Variants in VAX2 observed in about 807,000 individuals in gnomAD.
The protein encoded by VAX2 is ventral anterior homeobox 2.
A neutral mutation model predicts 12.5 loss-of-function variants in VAX2; 8 were observed. That is an observed-to-expected ratio of 0.64 (90% confidence interval 0.37 to 1.15). The LOEUF is 1.15. VAX2 is among the 50% of genes most tolerant of loss of function. VAX2 has a pLI of 0.01. For missense variants in VAX2, 476 were observed against 412.9 expected, an observed-to-expected ratio of 1.15 and a Z score of -1.32; for synonymous variants, 183 against 187.6, an observed-to-expected ratio of 0.98 and a Z score of 0.20.
Position 70,933,080 on chromosome 2 carries a change from T to G in VAX2, c.749T>G (p.Phe250Cys). ...PLPPPLPAVC[F>C]SSAPLLDLPA... ...CCGCCCCCTCTGCCAGCTGTCTGCTTTTCCTCGGCCCCGCTCCTGGATCTG... is the reference window on the plus strand; with the variant it reads ...CCGCCCCCTCTGCCAGCTGTCTGCTGTTCCTCGGCCCCGCTCCTGGATCTG... The change falls in exon 3 of 3, where the codon TTT (phenylalanine) becomes TGT (cysteine). Residue 250 changes from phenylalanine (F) to cysteine (C), a missense_variant. Physicochemically the swap from Phe to Cys is radical, Grantham distance 205 (BLOSUM62 -2). Coordinates refer to ENST00000234392, the MANE Select transcript of VAX2 (RefSeq NM_012476.3). 1 of 1,609,846 alleles carries G rather than the reference T, an allele frequency of 6.2e-7. No individual in the cohort carries two copies. The highest frequency in any genetic ancestry group is 8.5e-7 in the Non-Finnish European group (1 of 1,178,358).
chr2:70,923,850 C>T (rs35094940), intron 2 of VAX2, among the ~76,000 whole-genome samples: 6,904 of 152,224 alleles, frequency 0.045, 194 homozygotes, highest in Admixed American at 0.08. Flanking sequence ...AAATCCAGGC[C>T]GGCCTGGCAC....
At chr2:70,918,863 CAAAAAAAAA>C (rs531465293) in intron 1 of VAX2, among the ~76,000 whole-genome samples, 2 of 99,466 alleles carry the variant, frequency 2.0e-5, no homozygotes, top group African/African-American at 8.1e-5. Flanking sequence ...CCAGCCGTCT[CAAAAAAAAA>C]AAAAAAAAAA....
intron 2 of VAX2, chr2:70,924,384 C>G (rs984195777): frequency 6.8e-6 from 1 of 147,498 alleles, no homozygotes; most frequent in African/African-American, 2.5e-5. Context: ...ACTGTAGAGA[C>G]GGGGTCTCGC....
rs1678892418 is a variant in VAX2, at chr2:70,900,582, G to T, written c.-40G>T. The T allele has an allele frequency of 2.4e-6, 3 of 1,238,208 alleles. No individual in the cohort carries two copies. The South Asian group carries it at 1.1e-4, about 46-fold the overall frequency. 76.7% of individuals were successfully genotyped at this position (1,238,208 alleles called of 1,614,324 possible). A position where few individuals can be genotyped will look rare whatever the true frequency, so the allele number is the denominator to read the frequency against. On this transcript the variant is annotated 5_prime_UTR_variant, in exon 1 of 3. In the 5' UTR this introduces an upstream ATG that the reference lacks. Coordinates refer to ENST00000234392, the MANE Select transcript of VAX2 (RefSeq NM_012476.3). ...GGGAGCGGCGCTCCCGGCCAGCGTA[G>T]GCTGGCTCCGCCGTAGAGGGGTTGG... is the stretch of plus-strand genomic sequence containing the variant.
intron 1 of VAX2, among the ~76,000 whole-genome samples, chr2:70,908,312 A>T (rs1679105161): frequency 6.6e-6 from 1 of 152,202 alleles, no homozygotes; most frequent in African/African-American, 2.4e-5. Flanking sequence ...TGCACTTTTT[A>T]AAAAGTATCC....
chr2:70,906,513 TC>T, intron 1 of VAX2, among the ~76,000 whole-genome samples: 1 of 138,664 alleles, frequency 7.2e-6, no homozygotes, highest in Non-Finnish European at 1.5e-5. Context: ...TTTTTTCTTT[TC>T]TTTTCCTTTT....
Position 70,921,089 on chromosome 2 carries a change from C to T in VAX2, c.248-9C>T. The T allele has an allele frequency of 6.3e-7, 1 of 1,579,436 alleles. No homozygotes were observed. ...TGAACTAAGCTGGCTCCTTTCATGG[C>T]CTCTGCAGATGCCAAAGGGACAATT... On this transcript the variant is annotated splice_polypyrimidine_tract_variant and intron_variant, in intron 1 of 2. Transcript: ENST00000234392.
intron 2 of VAX2, among the ~76,000 whole-genome samples, chr2:70,927,735 T>C (rs1376648766): frequency 1.3e-5 from 2 of 151,878 alleles, no homozygotes; most frequent in African/African-American, 4.8e-5. Context: ...CGGCCATGGA[T>C]CACAGTGTGG....
At chr2:70,925,011 G>A (rs1223907734) in intron 2 of VAX2, among the ~76,000 whole-genome samples, 1 of 152,192 alleles carries the variant, frequency 6.6e-6, no homozygotes, top group Non-Finnish European at 1.5e-5. Flanking sequence ...CAGATGAGGA[G>A]CCAGAAGGAG....
In VAX2 at chr2:70,900,710, G is replaced by C; in HGVS notation, c.89G>C (p.Gly30Ala). The C allele has an allele frequency of 7.2e-7, 1 of 1,383,910 alleles. No individual in the cohort carries two copies. The highest frequency in any genetic ancestry group is 1.6e-5 in the South Asian group (1 of 61,834). The allele number at this position is 1,383,910 out of a possible 1,614,324, so 85.7% of individuals were successfully genotyped here. Residue 30 changes from glycine to alanine, a missense_variant, in exon 1 of 3, where the codon GGA becomes GCA. Physicochemically the swap from Gly to Ala is moderately conservative, Grantham distance 60 (BLOSUM62 0). Transcript: ENST00000234392. ...GGTGGGCGCTGCGGAGACCGCAGCGGAGCGGGGGACTTGCGAGCTGATGGC... is the reference window on the plus strand; with the variant it reads ...GGTGGGCGCTGCGGAGACCGCAGCGCAGCGGGGGACTTGCGAGCTGATGGC... ...GGGGRCGDRSGAGDLRADGGG... is the reference protein window; with the variant it reads ...GGGGRCGDRSAAGDLRADGGG...
At chr2:70,909,063 C>A (rs1286874186) in intron 1 of VAX2, among the ~76,000 whole-genome samples, 4 of 152,122 alleles carry the variant, frequency 2.6e-5, no homozygotes, top group African/African-American at 9.7e-5. Context: ...GTATTGCTTT[C>A]AATATGTGTT....
chr2:70,914,481 G>C (rs1228200795), intron 1 of VAX2, among the ~76,000 whole-genome samples: 2 of 152,086 alleles, frequency 1.3e-5, no homozygotes, highest in African/African-American at 4.8e-5. Flanking sequence ...TGGAGCAAAA[G>C]TTATGTGCAT....
intron 2 of VAX2, among the ~76,000 whole-genome samples, chr2:70,923,243 C>T (rs541506992): frequency 1.6e-3 from 237 of 152,300 alleles, no homozygotes; most frequent in African/African-American, 5.5e-3. Flanking sequence ...CTAGGGTTGA[C>T]AGATAGTAAA....
chr2:70,932,943 C>T lies in VAX2; in HGVS notation c.612C>T (p.Thr204=), dbSNP rs781857173. 2 of 1,612,646 alleles carry T rather than the reference C, an allele frequency of 1.2e-6. No homozygotes were observed. Among genetic ancestry groups the T allele is most frequent in the East Asian group, 2.2e-5 (1 of 44,836 alleles). The change falls in exon 3 of 3, where the codon ACC becomes ACT. Residue 204 remains threonine, a synonymous_variant. Transcript: ENST00000234392. ...GGGCCCCTAGCCTCCTGGCGCTGAC[C>T]CCTAGCCTGCCAGGCCTACCTGCCA... ...VPRAPSLLAL[T]PSLPGLPASH... is the part of the protein sequence containing the mutation.
rs1678902695 is a variant in VAX2, at chr2:70,900,798, G to T, written c.177G>T (p.Glu59Asp). ...CCTCCAGTCCCGCAGGCTCCAGGGA[G>T]AGTGGAGCCGACAGCGACGGGCAGC... ...TSASSPAGSR[E>D]SGADSDGQPG... Residue 59 changes from glutamate to aspartate, a missense_variant, in exon 1 of 3, where the codon GAG becomes GAT. Physicochemically the swap from Glu to Asp is conservative, Grantham distance 45 (BLOSUM62 2). Coordinates refer to ENST00000234392, the MANE Select transcript of VAX2 (RefSeq NM_012476.3). 2.0e-6 allele frequency: 3 copies of T among 1,495,334 alleles called. No homozygotes were observed. The highest frequency in any genetic ancestry group is 1.3e-5 in the South Asian group (1 of 78,816). The allele number at this position is 1,495,334 out of a possible 1,614,324, so 92.6% of individuals were successfully genotyped here.
Position 70,911,056 on chromosome 2 carries a change from A to G in VAX2, c.248-10042A>G, listed in dbSNP as rs568446735. ...TCACCAAAAGAAATAATAAAGAAAG[A>G]CAAAAAATGAGTTGAATCTTTCCTC... On this transcript the variant is annotated intron_variant, in intron 1 of 2. Coordinates refer to ENST00000234392, the MANE Select transcript of VAX2 (RefSeq NM_012476.3). Among the ~76,000 whole-genome samples the G allele has an allele frequency of 1.2e-4, 19 of 152,304 alleles. 1 individual carries two copies. The South Asian group carries it at 3.9e-3, about 32-fold the overall frequency.
chr2:70,921,144 C>A lies in VAX2; in HGVS notation c.294C>A (p.Asp98Glu). The A allele has an allele frequency of 6.2e-7, 1 of 1,612,712 alleles. No individual in the cohort carries two copies. The highest frequency in any genetic ancestry group is 1.1e-5 in the South Asian group (1 of 90,780). Residue 98 changes from aspartate (D) to glutamate (E), a missense_variant, in exon 2 of 3, where the codon GAC becomes GAA. Asp to Glu is a conservative substitution (Grantham distance 45, BLOSUM62 2). Coordinates refer to ENST00000234392, the MANE Select transcript of VAX2 (RefSeq NM_012476.3). ...AAATTGTCCTGCCTAAGGGCCTGGA[C>A]CTGGACCGGCCCAAGCGGACACGTA... Reference protein sequence around the residue: ...IREIVLPKGLDLDRPKRTRTS... With the variant: ...IREIVLPKGLELDRPKRTRTS...
At chr2:70,910,733 G>A (rs1246873822) in intron 1 of VAX2, among the ~76,000 whole-genome samples, 2 of 150,602 alleles carry the variant, frequency 1.3e-5, no homozygotes, top group East Asian at 3.9e-4. Context: ...GTAAGGAAAT[G>A]AGCCCTTTTT....
chr2:70,903,439 G>A (rs1178070864), intron 1 of VAX2, among the ~76,000 whole-genome samples: 4 of 152,194 alleles, frequency 2.6e-5, no homozygotes, highest in Non-Finnish European at 5.9e-5. Context: ...GTGGGGGGCA[G>A]GTTTGTTGAG....
Sources: gnomAD v4.1 joint callset for allele counts (sites outside exome capture counted in the v4.1 genomes callset) on GRCh38, gnomAD v4.1.1 for gene constraint, MANE v1.5 for transcripts, NCBI Gene and HGNC (gene_info 2026-07-23, HGNC 2026-07-21) for gene names.